RAP2B: variants seen among roughly 807,000 people sequenced by gnomAD.
RAP2B encodes the protein RAP2B, member of RAS oncogene family.
Under a neutral mutation model 14.4 loss-of-function variants are expected in RAP2B, and 6 were observed. The ratio of observed to expected loss-of-function variants is 0.42; its 90% CI spans 0.23 to 0.82. The LOEUF is 0.82. Among genes scored for constraint, RAP2B ranks in the 40% least tolerant of loss-of-function variants. RAP2B has a pLI of 0.30. For synonymous variants in RAP2B, 118 were observed against 113.2 expected, an observed-to-expected ratio of 1.04 and a Z score of -0.27; for missense variants, 137 against 248.2, an observed-to-expected ratio of 0.55 and a Z score of 3.01.
Position 153,162,515 on chromosome 3 carries a change from G to GCGCTCTGCGCACAAAA in RAP2B, c.-179_-178insCGCTCTGCGCACAAAA. ...GGATACGCTGCCGCCGCCGCCGGCC[G>GCGCTCTGCGCACAAAA]GCCCGGCGCCCGGCCTCCGTTCGGT... On this transcript the variant is annotated 5_prime_UTR_variant, in exon 1 of 1. Transcript: ENST00000323534. This position sits in a 1 kb window ranked among gnomAD's most constrained non-coding sequence, Gnocchi z 4.9. 1 of 698,154 alleles carries GCGCTCTGCGCACAAAA rather than the reference G, an allele frequency of 1.4e-6. No homozygotes were observed. Among genetic ancestry groups the GCGCTCTGCGCACAAAA allele is most frequent in the Non-Finnish European group, 2.1e-6 (1 of 465,570 alleles). The allele number at this position is 698,154 out of a possible 1,614,324, so 43.2% of individuals were successfully genotyped here.
rs1713439931 is a variant in RAP2B at position 153,162,599 on chromosome 3, G to T, written c.-95G>T. 5 of 1,366,000 alleles carry T rather than the reference G, an allele frequency of 3.7e-6. No homozygotes were observed. Among genetic ancestry groups the T allele is most frequent in the Non-Finnish European group, 4.9e-6 (5 of 1,027,340 alleles). 84.6% of individuals were successfully genotyped at this position (1,366,000 alleles called of 1,614,324 possible). ...CCTGGGTTTTTCCTGCGTAGCTGAGGAAGGGGAAGAGAAGTCCAGCCGCCA... is the reference window on the plus strand; with the variant it reads ...CCTGGGTTTTTCCTGCGTAGCTGAGTAAGGGGAAGAGAAGTCCAGCCGCCA... On this transcript the variant is annotated 5_prime_UTR_variant, in exon 1 of 1. Transcript: ENST00000323534. This position sits in a 1 kb window ranked among gnomAD's most constrained non-coding sequence, Gnocchi z 4.9.
In RAP2B at chr3:153,163,652, T is replaced by TTTG. The variant is rs1713482184; in HGVS notation, c.*407_*408insTTG. On this transcript the variant is annotated 3_prime_UTR_variant, in exon 1 of 1. Coordinates refer to ENST00000323534, the MANE Select transcript of RAP2B (RefSeq NM_002886.4). ...TGGAAATGGTTTTTTTTTTTTTTTT[T>TTTG]CTATTTTCTTTCTTTTTTTTTTTTT... The TTTG allele has an allele frequency of 6.6e-6, 1 of 150,860 alleles. No homozygotes were observed. 9.3% of individuals were successfully genotyped at this position (150,860 alleles called of 1,614,324 possible).
At position 153,163,296 on chromosome 3, in the gene RAP2B, C is replaced by G; in HGVS notation, c.*51C>G. ...TCTGCGCACAAAAGCCAAACGCATC[C>G]GACTCTCTAAATGTGATTTATTTCT... On this transcript the variant is annotated 3_prime_UTR_variant, in exon 1 of 1. Coordinates refer to ENST00000323534, the MANE Select transcript of RAP2B (RefSeq NM_002886.4). The G allele has an allele frequency of 6.7e-7, 1 of 1,483,854 alleles. No individual in the cohort carries two copies. The allele number at this position is 1,483,854 out of a possible 1,614,324, so 91.9% of individuals were successfully genotyped here.
At position 153,162,479 on chromosome 3, in the gene RAP2B, C is replaced by T; in HGVS notation, c.-215C>T. ...CCGCGGACTGCTGCGGGGCCCGGAC[C>T]CGCACCCCAGGGATACGCTGCCGCC... On this transcript the variant is annotated 5_prime_UTR_variant, in exon 1 of 1. Coordinates refer to ENST00000323534, the MANE Select transcript of RAP2B (RefSeq NM_002886.4). This position sits in a 1 kb window ranked among gnomAD's most constrained non-coding sequence, Gnocchi z 4.9. 1 of 439,690 alleles carries T rather than the reference C, an allele frequency of 2.3e-6. No individual in the cohort carries two copies. The highest frequency in any genetic ancestry group is 3.8e-6 in the Non-Finnish European group (1 of 260,152). 27.2% of individuals were successfully genotyped at this position (439,690 alleles called of 1,614,324 possible). A position where few individuals can be genotyped will look rare whatever the true frequency, so the allele number is the denominator to read the frequency against.
chr3:153,167,040 G>C lies in RAP2B; in HGVS notation c.*3795G>C, dbSNP rs1464596401. ...AAGTTCCTGCATTATAAGTATAAAG[G>C]GAACCGAGATTTAATTTGGAGATCA... On this transcript the variant is annotated 3_prime_UTR_variant, in exon 1 of 1. Transcript: ENST00000323534. 6.0e-6 allele frequency: 1 copy of C among 166,816 alleles called. No homozygotes were observed. The highest frequency in any genetic ancestry group is 1.5e-5 in the Non-Finnish European group (1 of 68,084). The allele number at this position is 166,816 out of a possible 1,614,324, so 10.3% of individuals were successfully genotyped here.
rs1300036723 is a variant in RAP2B, at chr3:153,168,537, C to G, written c.*5292C>G. The G allele has an allele frequency of 1.3e-5, 2 of 158,364 alleles. No homozygotes were observed. Among genetic ancestry groups the G allele is most frequent in the African/African-American group, 4.8e-5 (2 of 41,392 alleles). The allele number at this position is 158,364 out of a possible 1,614,324, so 9.8% of individuals were successfully genotyped here. ...TTTCATAGCACAGTAGTCTACAGCT[C>G]TCTATAGTAGCTTAATAGCTATTTG... On this transcript the variant is annotated 3_prime_UTR_variant, in exon 1 of 1. Transcript: ENST00000323534.
rs1367507427 is a variant in RAP2B, at chr3:153,166,287, T to G, written c.*3042T>G. 1 of 166,852 alleles carries G rather than the reference T, an allele frequency of 6.0e-6. No individual in the cohort carries two copies. 10.3% of individuals were successfully genotyped at this position (166,852 alleles called of 1,614,324 possible). A position where few individuals can be genotyped will look rare whatever the true frequency, so the allele number is the denominator to read the frequency against. ...TTGAGAGAAATTAGGAACACTGCTATTTTTTTCTTAAAAATGTTTTTAAGA... is the reference window on the plus strand; with the variant it reads ...TTGAGAGAAATTAGGAACACTGCTAGTTTTTTCTTAAAAATGTTTTTAAGA... On this transcript the variant is annotated 3_prime_UTR_variant, in exon 1 of 1. Transcript: ENST00000323534.
At position 153,163,677 on chromosome 3, in the gene RAP2B, T is replaced by A. The variant is rs1421232041; in HGVS notation, c.*432T>A. The stretch of plus-strand genomic sequence containing the variant: ...TCTATTTTCTTTCTTTTTTTTTTTT[T>A]TTTTTTTTGGTCAACAGCCGTTTTT... On this transcript the variant is annotated 3_prime_UTR_variant, in exon 1 of 1. Transcript: ENST00000323534. The A allele has an allele frequency of 6.3e-6, 1 of 157,536 alleles. No individual in the cohort carries two copies. The highest frequency in any genetic ancestry group is 2.5e-5 in the African/African-American group (1 of 40,424). 9.8% of individuals were successfully genotyped at this position (157,536 alleles called of 1,614,324 possible).
rs547557568 is a variant in RAP2B at position 153,164,273 on chromosome 3, C to T, written c.*1028C>T. On this transcript the variant is annotated 3_prime_UTR_variant, in exon 1 of 1. Transcript: ENST00000323534. The stretch of plus-strand genomic sequence containing the variant: ...AAATGTGATTCAGGGCCCCCAGCAC[C>T]CCTGTGTCTGCAGAGTGCCTTCAAA... The T allele has an allele frequency of 1.2e-5, 2 of 167,076 alleles. No individual in the cohort carries two copies. Among genetic ancestry groups the T allele is most frequent in the African/African-American group, 4.8e-5 (2 of 41,512 alleles). The allele number at this position is 167,076 out of a possible 1,614,324, so 10.3% of individuals were successfully genotyped here.
Position 153,164,124 on chromosome 3 carries a change from A to C in RAP2B, c.*879A>C, listed in dbSNP as rs181440505. On this transcript the variant is annotated 3_prime_UTR_variant, in exon 1 of 1. Coordinates refer to ENST00000323534, the MANE Select transcript of RAP2B (RefSeq NM_002886.4). ...AGATCTGCACATTTTCGTGTGTACT[A>C]TGGTGTGTGTGTGTATGTGTGTGGT... The C allele has an allele frequency of 1.2e-5, 2 of 162,842 alleles. No individual in the cohort carries two copies. Among genetic ancestry groups the C allele is most frequent in the Non-Finnish European group, 2.9e-5 (2 of 67,856 alleles). 10.1% of individuals were successfully genotyped at this position (162,842 alleles called of 1,614,324 possible).
At position 153,165,692 on chromosome 3, in the gene RAP2B, AT is replaced by A. The variant is rs879070024; in HGVS notation, c.*2457del. The A allele has an allele frequency of 1.6e-3, 264 of 163,282 alleles. No individual in the cohort carries two copies. Among genetic ancestry groups the A allele is most frequent in the African/African-American group, 5.6e-3 (228 of 40,752 alleles). The allele number at this position is 163,282 out of a possible 1,614,324, so 10.1% of individuals were successfully genotyped here. On this transcript the variant is annotated 3_prime_UTR_variant, in exon 1 of 1. Transcript: ENST00000323534. ...TTTGCCTGGCAATGGTCCTACTGCCATTTTTTTTTTCCCACTCTGATCTCAC... is the reference window on the plus strand; with the variant it reads ...TTTGCCTGGCAATGGTCCTACTGCCATTTTTTTTTCCCACTCTGATCTCAC...
rs397953060 is a variant in RAP2B, at chr3:153,163,664, CTTTTTT to C, written c.*435_*440del. 7.7e-5 allele frequency: 5 copies of C among 65,286 alleles called. No homozygotes were observed. The highest frequency in any genetic ancestry group is 1.9e-4 in the African/African-American group (3 of 15,914). The allele number at this position is 65,286 out of a possible 1,614,324, so 4.0% of individuals were successfully genotyped here. A position where few individuals can be genotyped will look rare whatever the true frequency, so the allele number is the denominator to read the frequency against. ...TTTTTTTTTTTTTTCTATTTTCTTT[CTTTTTT>C]TTTTTTTTTTTTTTTGGTCAACAGC... is the stretch of plus-strand genomic sequence containing the variant. On this transcript the variant is annotated 3_prime_UTR_variant, in exon 1 of 1. Transcript: ENST00000323534.
Position 153,164,944 on chromosome 3 carries a change from C to T in RAP2B, c.*1699C>T, listed in dbSNP as rs891691138. 6 of 166,968 alleles carry T rather than the reference C, an allele frequency of 3.6e-5. No homozygotes were observed. The highest frequency in any genetic ancestry group is 4.8e-5 in the African/African-American group (2 of 41,418). 10.3% of individuals were successfully genotyped at this position (166,968 alleles called of 1,614,324 possible). On this transcript the variant is annotated 3_prime_UTR_variant, in exon 1 of 1. Transcript: ENST00000323534. ...AGGAAGCCCTGGGTATGGCCATTAC[C>T]ATCTGATTAGAAGATGAACAGGTAT...
rs1713435795 is a variant in RAP2B at position 153,162,579 on chromosome 3, G to C, written c.-115G>C. The C allele has an allele frequency of 1.6e-6, 2 of 1,289,234 alleles. No homozygotes were observed. The highest frequency in any genetic ancestry group is 2.1e-6 in the Non-Finnish European group (2 of 963,838). The allele number at this position is 1,289,234 out of a possible 1,614,324, so 79.9% of individuals were successfully genotyped here. On this transcript the variant is annotated 5_prime_UTR_variant, in exon 1 of 1. Coordinates refer to ENST00000323534, the MANE Select transcript of RAP2B (RefSeq NM_002886.4). The surrounding 1 kb of genome is among the most constrained non-coding windows in gnomAD (Gnocchi z 4.9). ...CGTTCTCTGGGTTGCTCTCTCCTGG[G>C]TTTTTCCTGCGTAGCTGAGGAAGGG...
At position 153,170,482 on chromosome 3, in the gene RAP2B, A is replaced by G. The variant is rs1270886557; in HGVS notation, c.*7237A>G. The stretch of plus-strand genomic sequence containing the variant: ...ATAGTGTATATTAAACAATAATAGT[A>G]TATGGAAAAGCACATCTACATGTGT... On this transcript the variant is annotated 3_prime_UTR_variant, in exon 1 of 1. Coordinates refer to ENST00000323534, the MANE Select transcript of RAP2B (RefSeq NM_002886.4). 1 of 152,238 alleles carries G rather than the reference A, an allele frequency of 6.6e-6. No homozygotes were observed. The highest frequency in any genetic ancestry group is 2.4e-5 in the African/African-American group (1 of 41,466). The allele number at this position is 152,238 out of a possible 1,614,324, so 9.4% of individuals were successfully genotyped here.
rs1713700605 is a variant in RAP2B at position 153,170,433 on chromosome 3, C to T, written c.*7188C>T. 6.6e-6 allele frequency: 1 copy of T among 152,162 alleles called. No homozygotes were observed. The highest frequency in any genetic ancestry group is 2.1e-4 in the South Asian group (1 of 4,824). The allele number at this position is 152,162 out of a possible 1,614,324, so 9.4% of individuals were successfully genotyped here. A position where few individuals can be genotyped will look rare whatever the true frequency, so the allele number is the denominator to read the frequency against. ...CAGGTGAAGGCGCAACAGCTTTATG[C>T]TCTTTTTCACTATAATCTGTGAAAT... On this transcript the variant is annotated 3_prime_UTR_variant, in exon 1 of 1. Coordinates refer to ENST00000323534, the MANE Select transcript of RAP2B (RefSeq NM_002886.4).
At position 153,164,963 on chromosome 3, in the gene RAP2B, C is replaced by T. The variant is rs190589752; in HGVS notation, c.*1718C>T. 161 of 167,024 alleles carry T rather than the reference C, an allele frequency of 9.6e-4. No homozygotes were observed. Among genetic ancestry groups the T allele is most frequent in the Non-Finnish European group, 1.5e-3 (102 of 68,122 alleles). 10.3% of individuals were successfully genotyped at this position (167,024 alleles called of 1,614,324 possible). ...CATTACCATCTGATTAGAAGATGAACAGGTATTTTGAATCTGATCTGACAT... is the reference window on the plus strand; with the variant it reads ...CATTACCATCTGATTAGAAGATGAATAGGTATTTTGAATCTGATCTGACAT... On this transcript the variant is annotated 3_prime_UTR_variant, in exon 1 of 1. Transcript: ENST00000323534.
rs1364290098 is a variant in RAP2B at position 153,164,362 on chromosome 3, C to T, written c.*1117C>T. 6.0e-6 allele frequency: 1 copy of T among 167,060 alleles called. No homozygotes were observed. The highest frequency in any genetic ancestry group is 1.5e-5 in the Non-Finnish European group (1 of 68,130). The allele number at this position is 167,060 out of a possible 1,614,324, so 10.3% of individuals were successfully genotyped here. A position where few individuals can be genotyped will look rare whatever the true frequency, so the allele number is the denominator to read the frequency against. ...CACCATATCCCAGAATCTGCTATTCCCCAAACCACTTCCCAGTTTCCTTTC... is the reference window on the plus strand; with the variant it reads ...CACCATATCCCAGAATCTGCTATTCTCCAAACCACTTCCCAGTTTCCTTTC... On this transcript the variant is annotated 3_prime_UTR_variant, in exon 1 of 1. Coordinates refer to ENST00000323534, the MANE Select transcript of RAP2B (RefSeq NM_002886.4).
chr3:153,162,235 T>A lies in RAP2B; in HGVS notation c.-459T>A, dbSNP rs1269004129. 1 of 152,478 alleles carries A rather than the reference T, an allele frequency of 6.6e-6. No individual in the cohort carries two copies. The highest frequency in any genetic ancestry group is 2.4e-5 in the African/African-American group (1 of 41,388). 9.4% of individuals were successfully genotyped at this position (152,478 alleles called of 1,614,324 possible). A position where few individuals can be genotyped will look rare whatever the true frequency, so the allele number is the denominator to read the frequency against. Reference sequence around the variant, plus strand: ...TAGGAAGCCCTCGCCCAGTAGAGGCTGTGGGAGAGAGCGCGATGGGCCGCG... The same window carrying A: ...TAGGAAGCCCTCGCCCAGTAGAGGCAGTGGGAGAGAGCGCGATGGGCCGCG... On this transcript the variant is annotated 5_prime_UTR_variant, in exon 1 of 1. Transcript: ENST00000323534. The surrounding 1 kb of genome is among the most constrained non-coding windows in gnomAD (Gnocchi z 4.9).
Sources: allele counts gnomAD v4.1 joint callset, GRCh38; gene constraint gnomAD v4.1.1; non-coding constraint Gnocchi (gnomAD v3.1); transcripts MANE v1.5; gene names NCBI Gene and HGNC (gene_info 2026-07-23, HGNC 2026-07-21).